Variants in ATP10B observed in about 807,000 individuals in gnomAD.
ATP10B encodes the protein phospholipid-transporting ATPase VB.
A neutral mutation model predicts 141.2 loss-of-function variants in ATP10B; 122 were observed. The observed-to-expected ratio is 0.86, with a 90% CI of 0.75 to 1.00. The LOEUF (loss-of-function observed/expected upper bound fraction) is 1.00. ATP10B is among the 50% of genes least tolerant of loss of function. The probability of loss-of-function intolerance (pLI) is 0.00; values close to 1 mark genes in which losing one functional copy is unlikely to be tolerated. For missense variants in ATP10B, 1,876 were observed against 1,825.3 expected (o/e 1.03, Z -0.51); for synonymous variants, 685 against 692.0 (o/e 0.99, Z 0.16).
At chr5:160,906,944 T>G in the ATP10B span, among the ~76,000 whole-genome samples, 24 of 152,198 alleles carry the variant, frequency 1.6e-4, no homozygotes, top group African/African-American at 5.5e-4. Context: ...GTTTGACCTG[T>G]ATGTGACTTA....
intron 13 of ATP10B, among the ~76,000 whole-genome samples, chr5:160,630,268 G>A (rs1758850535): frequency 6.6e-6 from 1 of 152,194 alleles, no homozygotes; most frequent in African/African-American, 2.4e-5. Flanking sequence ...AGCCAGGGCA[G>A]GATGATGACA....
chr5:160,868,521 TACACACACACACACACACACACAC>T, the ATP10B span, among the ~76,000 whole-genome samples: 6 of 130,404 alleles, frequency 4.6e-5, no homozygotes, highest in South Asian at 2.7e-4. Flanking sequence ...TATGAACAGA[TACACACACACACACACACACACAC>T]ACACACACAC....
At position 160,714,915 on chromosome 5, in the gene ATP10B, G is replaced by T. The variant is rs1207493607; in HGVS notation, c.-205+1994C>A. The stretch of plus-strand genomic sequence containing the variant: ...TGGCCCTGCTGGGGGGTGCCTCCCA[G>T]TTAGGCTGCTCGGGGGTCAGGGGTC... On this transcript the variant is annotated intron_variant, in intron 3 of 25. Transcript: ENST00000327245. 2.8e-5 allele frequency among the ~76,000 whole-genome samples: 4 copies of T among 144,972 alleles called. No individual in the cohort carries two copies. In the South Asian group the frequency reaches 6.9e-4, roughly 25 times the overall value.
At chr5:160,828,009 G>A (rs541632131) in intron 1 of ATP10B, among the ~76,000 whole-genome samples, 1 of 152,136 alleles carries the variant, frequency 6.6e-6, no homozygotes, top group Admixed American at 6.5e-5. Context: ...CTAGCCATAT[G>A]TAGAAAGCTG....
intron 18 of ATP10B, among the ~76,000 whole-genome samples, chr5:160,609,123 G>A (rs916988435): frequency 2.0e-5 from 3 of 152,064 alleles, no homozygotes; most frequent in African/African-American, 4.8e-5. Flanking sequence ...TAGTAGCATT[G>A]TTTTCTTCAC....
At chr5:160,757,999 G>A (rs1017576756) in intron 2 of ATP10B, among the ~76,000 whole-genome samples, 2 of 152,166 alleles carry the variant, frequency 1.3e-5, no homozygotes, top group Admixed American at 1.3e-4. Flanking sequence ...AAATCACCCT[G>A]GTTGAGAACC....
the ATP10B span, among the ~76,000 whole-genome samples, chr5:160,857,660 C>G: frequency 6.6e-6 from 1 of 151,618 alleles, no homozygotes; most frequent in Non-Finnish European, 1.5e-5. Flanking sequence ...ATAAATTTCT[C>G]TCTTGGCATT....
chr5:160,696,692 A>G (rs1178693672), intron 3 of ATP10B, among the ~76,000 whole-genome samples: 2 of 152,132 alleles, frequency 1.3e-5, no homozygotes, highest in Admixed American at 1.3e-4. Flanking sequence ...ATGGTTTGCA[A>G]GTTTCTTCCC....
intron 1 of ATP10B, among the ~76,000 whole-genome samples, chr5:160,787,122 A>ACACACACCACACACACACAC (rs199678573): frequency 1.6e-5 from 2 of 124,822 alleles, no homozygotes; most frequent in African/African-American, 2.7e-5. Context: ...ACACACACAC[A>ACACACACCACACACACACAC]CACACACACA....
chr5:160,755,094 A>G (rs975462516), intron 2 of ATP10B, among the ~76,000 whole-genome samples: 5 of 152,324 alleles, frequency 3.3e-5, no homozygotes, highest in African/African-American at 1.2e-4. Flanking sequence ...TAATTGACTC[A>G]CAGTTCTGCA....
the ATP10B span, among the ~76,000 whole-genome samples, chr5:160,890,989 G>A: frequency 1.6e-4 from 21 of 130,546 alleles, no homozygotes; most frequent in African/African-American, 4.7e-4. Context: ...ATTTGTTTAC[G>A]TGTATGTGTG....
chr5:160,915,595 G>A, the ATP10B span, among the ~76,000 whole-genome samples: 3 of 152,196 alleles, frequency 2.0e-5, no homozygotes, highest in African/African-American at 7.2e-5. Context: ...GCCTTCCAAA[G>A]TGCTGGGATC....
rs1205717239 is a variant in ATP10B, at chr5:160,852,050, G to A, written c.-685C>T. ...TGGCTAAAATAGTTCTCTTTCCTAT[G>A]GAATTTTTCATTTTTCTGATTATAT... On this transcript the variant is annotated 5_prime_UTR_variant, in exon 1 of 26. Coordinates refer to ENST00000327245, the MANE Select transcript of ATP10B (RefSeq NM_025153.3). 1.3e-5 allele frequency: 2 copies of A among 152,082 alleles called. No homozygotes were observed. Among genetic ancestry groups the A allele is most frequent in the African/African-American group, 4.8e-5 (2 of 41,414 alleles). 9.4% of individuals were successfully genotyped at this position (152,082 alleles called of 1,614,324 possible).
chr5:160,749,250 G>A (rs558271619), intron 2 of ATP10B, among the ~76,000 whole-genome samples: 7 of 152,294 alleles, frequency 4.6e-5, no homozygotes, highest in Admixed American at 1.3e-4. Flanking sequence ...CAGAAGAAAT[G>A]CCTGGGAGTG....
intron 24 of ATP10B, among the ~76,000 whole-genome samples, chr5:160,570,472 A>C (rs1754805204): frequency 6.6e-6 from 1 of 152,210 alleles, no homozygotes; most frequent in Admixed American, 6.5e-5. Flanking sequence ...CAGTCTAAAC[A>C]AGCAAATGTA....
In ATP10B at chr5:160,565,760, T is replaced by G. The variant is rs1403702404; in HGVS notation, c.4079A>C (p.Glu1360Ala). The G allele has an allele frequency of 1.9e-6, 3 of 1,614,090 alleles. No homozygotes were observed. In the Admixed American group the frequency reaches 5.0e-5, roughly 27 times the overall value. ...TGGGTGGTGAGTTGGTCGAGCCACT[T>G]CGGGGACAGGGGCAGGCCTCTGTCT... is the stretch of plus-strand genomic sequence containing the variant. ...RSRQRPAPVP[E>A]VARPTHHPVS... Residue 1360 changes from glutamate to alanine, a missense_variant, in exon 26 of 26, where the codon GAA (glutamate) becomes GCA (alanine). Transcript: ENST00000327245.
chr5:160,860,704 A>G, the ATP10B span, among the ~76,000 whole-genome samples: 1 of 152,134 alleles, frequency 6.6e-6, no homozygotes, highest in African/African-American at 2.4e-5. Flanking sequence ...TCAGTGCTCC[A>G]AAACCAGATA....
chr5:160,825,865 G>GCA (rs1322788043), intron 1 of ATP10B, among the ~76,000 whole-genome samples: 1 of 152,158 alleles, frequency 6.6e-6, no homozygotes, highest in Non-Finnish European at 1.5e-5. Context: ...ATGTCCATGT[G>GCA]CACTCAATGT....
At chr5:160,647,121 G>A (rs147738165) in intron 8 of ATP10B, among the ~76,000 whole-genome samples, 62 of 152,312 alleles carry the variant, frequency 4.1e-4, no homozygotes, top group African/African-American at 1.4e-3. Context: ...TTCAAAAGTC[G>A]CATTTTCAAA....
Sources: allele counts gnomAD v4.1 joint callset (sites outside exome capture counted in the v4.1 genomes callset), GRCh38; gene constraint gnomAD v4.1.1; transcripts MANE v1.5; gene names NCBI Gene and HGNC (gene_info 2026-07-23, HGNC 2026-07-21).